Variants in PTPRJ observed in about 807,000 individuals in gnomAD.
PTPRJ encodes the protein protein tyrosine phosphatase receptor type J, also known as receptor-type tyrosine-protein phosphatase eta.
Under a neutral mutation model 141.3 loss-of-function variants are expected in PTPRJ, and 129 were observed. The observed-to-expected ratio is 0.91, with a 90% CI of 0.79 to 1.06. The LOEUF (loss-of-function observed/expected upper bound fraction) is 1.06. Ranked by LOEUF, PTPRJ falls within the 50% of genes least tolerant of loss-of-function variation. The probability of loss-of-function intolerance (pLI) is 0.00; values close to 1 mark genes in which losing one functional copy is unlikely to be tolerated. For missense variants in PTPRJ, 1,601 were observed against 1,679.7 expected (o/e 0.95, Z 0.82); for synonymous variants, 610 against 640.5 (o/e 0.95, Z 0.72).
chr11:48,046,847 A>G (rs11039503), intron 1 of PTPRJ, among the ~76,000 whole-genome samples: 16,955 of 145,380 alleles, frequency 0.12, 3,299 homozygotes, highest in African/African-American at 0.4. Flanking sequence ...CGTAGGTTGA[A>G]TTCTGTCCTT....
At chr11:47,996,024 A>G (rs1223667165) in intron 1 of PTPRJ, among the ~76,000 whole-genome samples, 1 of 144,874 alleles carries the variant, frequency 6.9e-6, no homozygotes, top group Non-Finnish European at 1.5e-5. Context: ...GGCAACAAGA[A>G]TGAAACTCCA....
chr11:48,082,423 T>TC (rs890124197), intron 1 of PTPRJ, among the ~76,000 whole-genome samples: 3 of 150,232 alleles, frequency 2.0e-5, no homozygotes, highest in African/African-American at 7.3e-5. Context: ...TTTTTTTTTT[T>TC]TTTTTTTGGA....
chr11:48,021,669 C>G (rs917805386), intron 1 of PTPRJ, among the ~76,000 whole-genome samples: 3 of 152,128 alleles, frequency 2.0e-5, no homozygotes, highest in African/African-American at 4.8e-5. Context: ...CCCTCCTCCC[C>G]CAAGCATGCA....
intron 1 of PTPRJ, among the ~76,000 whole-genome samples, chr11:48,108,204 G>A (rs1590511462): frequency 1.3e-5 from 2 of 152,240 alleles, no homozygotes; most frequent in African/African-American, 4.8e-5. Flanking sequence ...TGTAAAATGG[G>A]GATAAAAATA....
In PTPRJ at chr11:48,128,699, G is replaced by T. The variant is rs748910036; in HGVS notation, c.1357+656G>T. Among the ~76,000 whole-genome samples the T allele has an allele frequency of 5.3e-5, 8 of 152,234 alleles. No individual in the cohort carries two copies. The Middle Eastern group carries it at 0.01, about 194-fold the overall frequency. ...GACACTGTAGTGGCCTCCGAGGTAGGTATTGGGGTCCCCTTTTACAGATGA... is the reference window on the plus strand; with the variant it reads ...GACACTGTAGTGGCCTCCGAGGTAGTTATTGGGGTCCCCTTTTACAGATGA... On this transcript the variant is annotated intron_variant, in intron 7 of 24. Coordinates refer to ENST00000418331, the MANE Select transcript of PTPRJ (RefSeq NM_002843.4).
chr11:48,159,484 A>G (rs972319476), intron 21 of PTPRJ, among the ~76,000 whole-genome samples: 1 of 152,148 alleles, frequency 6.6e-6, no homozygotes, highest in African/African-American at 2.4e-5. Flanking sequence ...CTCTAAATCA[A>G]TTTTCATGCT....
In PTPRJ at chr11:48,137,131, A is replaced by G. The variant is rs1443105582; in HGVS notation, c.2002A>G (p.Ser668Gly). 1.9e-6 allele frequency: 3 copies of G among 1,612,786 alleles called. No individual in the cohort carries two copies. Among genetic ancestry groups the G allele is most frequent in the South Asian group, 1.1e-5 (1 of 91,062 alleles). ...TCTTATTGAGAAGGCTGGAAATTCCAGCAACGCAACACAAGTAGTCACGGA... is the reference window on the plus strand; with the variant it reads ...TCTTATTGAGAAGGCTGGAAATTCCGGCAACGCAACACAAGTAGTCACGGA... ...CLLIEKAGNS[S>G]NATQVVTDIG... The change falls in exon 10 of 25, where the codon AGC (serine) becomes GGC (glycine). Residue 668 changes from serine (S) to glycine (G), a missense_variant. Ser to Gly is a moderately conservative substitution (Grantham distance 56). Coordinates refer to ENST00000418331, the MANE Select transcript of PTPRJ (RefSeq NM_002843.4).
chr11:48,109,278 C>T (rs1422724828), intron 1 of PTPRJ, among the ~76,000 whole-genome samples: 5 of 112,936 alleles, frequency 4.4e-5, no homozygotes, highest in Non-Finnish European at 8.8e-5. Flanking sequence ...TCGTGACGAT[C>T]CTACTTAAAA....
At chr11:48,034,431 G>A (rs1445742008) in intron 1 of PTPRJ, among the ~76,000 whole-genome samples, 4 of 152,082 alleles carry the variant, frequency 2.6e-5, no homozygotes, top group African/African-American at 9.7e-5. Flanking sequence ...TAACATAGTG[G>A]CTATGAAAGC....
chr11:47,998,203 C>T (rs1854394280), intron 1 of PTPRJ, among the ~76,000 whole-genome samples: 1 of 151,786 alleles, frequency 6.6e-6, no homozygotes, highest in Non-Finnish European at 1.5e-5. Flanking sequence ...GCTGGGCTCT[C>T]ATTTTATCCT....
chr11:48,167,537 C>A lies in PTPRJ; in HGVS notation c.*175C>A, dbSNP rs1045940335. 3.1e-6 allele frequency: 2 copies of A among 651,012 alleles called. No individual in the cohort carries two copies. The highest frequency in any genetic ancestry group is 4.7e-6 in the Non-Finnish European group (2 of 423,834). The allele number at this position is 651,012 out of a possible 1,614,324, so 40.3% of individuals were successfully genotyped here. A position where few individuals can be genotyped will look rare whatever the true frequency, so the allele number is the denominator to read the frequency against. ...ATGATAGATGACAAATTGGGGCTGT[C>A]GGGGGCTGTGGATGGGTGGGGAGCA... On this transcript the variant is annotated 3_prime_UTR_variant, in exon 25 of 25. Coordinates refer to ENST00000418331, the MANE Select transcript of PTPRJ (RefSeq NM_002843.4).
At chr11:48,107,251 A>G (rs1445382044) in intron 1 of PTPRJ, among the ~76,000 whole-genome samples, 2 of 151,978 alleles carry the variant, frequency 1.3e-5, no homozygotes, top group East Asian at 1.9e-4. Flanking sequence ...CCTGCTGGCA[A>G]GGAAAAAAAA....
At chr11:48,105,604 C>A (rs993445795) in intron 1 of PTPRJ, among the ~76,000 whole-genome samples, 1 of 152,184 alleles carries the variant, frequency 6.6e-6, no homozygotes, top group Non-Finnish European at 1.5e-5. Flanking sequence ...AAAACAATGG[C>A]TCCACGAGAC....
intron 18 of PTPRJ, 127 bp from the exon 19 acceptor site, chr11:48,153,669 T>A (rs1035273572): frequency 4.8e-5 from 30 of 631,112 alleles, no homozygotes; most frequent in Non-Finnish European, 6.4e-5. Flanking sequence ...AAGGGTAAAT[T>A]TCTATGTTTA....
intron 1 of PTPRJ, among the ~76,000 whole-genome samples, chr11:48,074,116 A>T (rs1855338379): frequency 6.6e-6 from 1 of 152,166 alleles, no homozygotes; most frequent in Non-Finnish European, 1.5e-5. Flanking sequence ...AGTAGTTGGG[A>T]CTACAGGCAC....
chr11:48,085,652 C>T (rs11039513), intron 1 of PTPRJ, among the ~76,000 whole-genome samples: 59,045 of 152,014 alleles, frequency 0.39, 15,013 homozygotes, highest in African/African-American at 0.73. Flanking sequence ...GCCACCATGC[C>T]CAACAACAGA....
chr11:48,151,773 G>C (rs1421290504), intron 18 of PTPRJ, among the ~76,000 whole-genome samples: 2 of 152,094 alleles, frequency 1.3e-5, no homozygotes, highest in African/African-American at 2.4e-5. Flanking sequence ...CAAAGGACCT[G>C]AACTCATCCT....
chr11:48,058,767 C>G (rs1241930138), intron 1 of PTPRJ, among the ~76,000 whole-genome samples: 1 of 152,098 alleles, frequency 6.6e-6, no homozygotes, highest in African/African-American at 2.4e-5. Context: ...AAACTGAAGT[C>G]AGATCATGTT....
At chr11:48,061,422 G>T (rs1296432958) in intron 1 of PTPRJ, among the ~76,000 whole-genome samples, 1 of 152,252 alleles carries the variant, frequency 6.6e-6, no homozygotes, top group Non-Finnish European at 1.5e-5. Context: ...ACTCTGGCAT[G>T]ACTGGGGTGT....
Sources: gnomAD v4.1 joint callset for allele counts (sites outside exome capture counted in the v4.1 genomes callset) on GRCh38, gnomAD v4.1.1 for gene constraint, MANE v1.5 for transcripts, NCBI Gene and HGNC (gene_info 2026-07-23, HGNC 2026-07-21) for gene names.